VPS13C: variants seen among roughly 807,000 people sequenced by gnomAD.
The protein encoded by VPS13C is vacuolar protein sorting 13 homolog C, also known as intermembrane lipid transfer protein VPS13C.
Under a neutral mutation model 456.8 loss-of-function variants are expected in VPS13C, and 358 were observed. The ratio of observed to expected loss-of-function variants is 0.78; its 90% CI spans 0.72 to 0.86. The LOEUF (loss-of-function observed/expected upper bound fraction) is 0.86, where lower values mean the gene tolerates loss of function less well. Among genes scored for constraint, VPS13C ranks in the 40% least tolerant of loss-of-function variants. The pLI is 0.00. For synonymous variants in VPS13C, 1,578 were observed against 1,486.7 expected (o/e 1.06, Z -1.41); for missense variants, 4,818 against 4,385.4 (o/e 1.10, Z -2.79).
intron 12 of VPS13C, 150 bp downstream of exon 12, chr15:62,011,955 TAA>T (rs2047055246): frequency 2.0e-6 from 1 of 503,826 alleles, no homozygotes. Context: ...TCCTAAATAA[TAA>T]GTTATAACCC....
At chr15:62,012,522 G>T (rs1193795813) in intron 11 of VPS13C, among the ~76,000 whole-genome samples, 1 of 151,848 alleles carries the variant, frequency 6.6e-6, no homozygotes, top group Non-Finnish European at 1.5e-5. Flanking sequence ...AGAGATAGAA[G>T]ATTGAAATTT....
At chr15:61,929,446 G>A (rs1448563203) in intron 51 of VPS13C, 55 bp downstream of exon 51, 1 of 1,543,338 alleles carries the variant, frequency 6.5e-7, no homozygotes. Context: ...TTTCTGGTTT[G>A]TAATTCTTGT....
In VPS13C at chr15:61,959,252, T is replaced by C. The variant is rs12898423; in HGVS notation, c.4056+196A>G. Among the ~76,000 whole-genome samples the C allele has an allele frequency of 0.67, 101,656 of 151,956 alleles. 34,968 individuals carry two copies. Among genetic ancestry groups the C allele is most frequent in the East Asian group, 0.85 (4,411 of 5,174 alleles). ...GATCTCTACCAATATGTATGTATAATAAATTTTAAAGTTAAGAAATCTTAA... is the reference window on the plus strand; with the variant it reads ...GATCTCTACCAATATGTATGTATAACAAATTTTAAAGTTAAGAAATCTTAA... On this transcript the variant is annotated intron_variant, in intron 36 of 84. Coordinates refer to ENST00000644861, the MANE Select transcript of VPS13C (RefSeq NM_020821.3).
rs774979724 is a variant in VPS13C at position 61,959,606 on chromosome 15, C to T, written c.3909-11G>A. 2.5e-6 allele frequency: 4 copies of T among 1,606,196 alleles called. No individual in the cohort carries two copies. Among genetic ancestry groups the T allele is most frequent in the Non-Finnish European group, 3.4e-6 (4 of 1,175,250 alleles). On this transcript the variant is annotated splice_polypyrimidine_tract_variant and intron_variant, in intron 35 of 84. Transcript: ENST00000644861. ...GGCTGGATCACTGTCCTACGAAAAA[C>T]AGAAATGTTACATAATGCATAGATA...
intron 9 of VPS13C, among the ~76,000 whole-genome samples, chr15:62,019,087 AG>A (rs1287244904): frequency 6.6e-6 from 1 of 152,104 alleles, no homozygotes; most frequent in Admixed American, 6.6e-5. Flanking sequence ...AGGTGTTTAT[AG>A]TATTCTCTGA....
chr15:61,932,454 A>G (rs2044092945), intron 49 of VPS13C, among the ~76,000 whole-genome samples: 1 of 152,128 alleles, frequency 6.6e-6, no homozygotes, highest in African/African-American at 2.4e-5. Flanking sequence ...ATTTTCATGT[A>G]TAGAAAAATG....
chr15:61,966,012 C>G, intron 30 of VPS13C, 71 bp downstream of exon 30: 1 of 1,235,392 alleles, frequency 8.1e-7, no homozygotes, highest in South Asian at 1.5e-5. Flanking sequence ...CAATACTCCT[C>G]AAAGGATACT....
intron 18 of VPS13C, 36 bp downstream of exon 18, chr15:61,990,964 T>A (rs2046206136): frequency 7.0e-7 from 1 of 1,431,088 alleles, no homozygotes; most frequent in Admixed American, 1.7e-5. Flanking sequence ...TATAGTACAA[T>A]GAGACAAAAT....
At chr15:61,925,635 G>A (rs1024730511) in intron 52 of VPS13C, 87 bp from the exon 53 acceptor site, 2 of 964,908 alleles carry the variant, frequency 2.1e-6, no homozygotes, top group Non-Finnish European at 1.4e-6. Context: ...TACTTAACTT[G>A]GGATCTTTAA....
chr15:61,923,861 C>CA (rs2043743963), intron 53 of VPS13C, among the ~76,000 whole-genome samples: 2 of 75,146 alleles, frequency 2.7e-5, no homozygotes, highest in Non-Finnish European at 4.9e-5. Flanking sequence ...CCCTCTAAAT[C>CA]TTTTTTTTTT....
In VPS13C at chr15:62,007,411, C is replaced by T. The variant is rs906366377; in HGVS notation, c.1187G>A (p.Ser396Asn). 3 of 1,612,892 alleles carry T rather than the reference C, an allele frequency of 1.9e-6. No homozygotes were observed. The highest frequency in any genetic ancestry group is 3.3e-5 in the Admixed American group (2 of 59,914). ...IRRYTQMWSW[S>N]NIKKHRQLLK... is the part of the protein sequence containing the mutation. ...TAACTGCCTGTGCTTTTTTATGTTA[C>T]TCCATGACCACATCTGTGTATACCT... The change falls in exon 15 of 85, where the codon AGT becomes AAT. Residue 396 changes from serine (S) to asparagine (N), a missense_variant. This residue lies in a region of VPS13C where 4,552 missense variants were observed against 4,130.6 expected (regional missense o/e 1.10). Coordinates refer to ENST00000644861, the MANE Select transcript of VPS13C (RefSeq NM_020821.3).
chr15:62,041,137 T>TA (rs35028366), intron 3 of VPS13C, among the ~76,000 whole-genome samples, 187 bp downstream of exon 3: 14 of 151,808 alleles, frequency 9.2e-5, no homozygotes, highest in African/African-American at 2.9e-4. Context: ...CCTTTTGTCA[T>TA]AAAAAAAAGA....
chr15:62,010,125 G>C (rs1041191055), intron 13 of VPS13C, among the ~76,000 whole-genome samples: 5 of 151,960 alleles, frequency 3.3e-5, no homozygotes, highest in African/African-American at 1.2e-4. Flanking sequence ...AGGAGGTAGA[G>C]CTTGCAGTGA....
chr15:61,857,600 C>T (rs981342115), intron 82 of VPS13C, among the ~76,000 whole-genome samples: 20 of 152,154 alleles, frequency 1.3e-4, no homozygotes, highest in Admixed American at 8.5e-4. Flanking sequence ...CAGGAAATGA[C>T]GTGATAATGT....
intron 21 of VPS13C, 53 bp downstream of exon 21, chr15:61,982,406 A>G: frequency 1.4e-6 from 2 of 1,385,732 alleles, no homozygotes; most frequent in Non-Finnish European, 2.0e-6. Flanking sequence ...ACATTAGAGT[A>G]GGCAAAATTT....
At chr15:61,893,654 A>C (rs971408937) in intron 66 of VPS13C, among the ~76,000 whole-genome samples, 2 of 151,070 alleles carry the variant, frequency 1.3e-5, no homozygotes, top group Admixed American at 1.3e-4. Flanking sequence ...AGACAAATCT[A>C]TCAAAAATAA....
chr15:61,991,889 T>TC, intron 16 of VPS13C, 87 bp from the exon 17 acceptor site: 1 of 260,716 alleles, frequency 3.8e-6, no homozygotes. Flanking sequence ...ACAATGGTTC[T>TC]TTTTTTTTTT....
At chr15:61,857,608 T>C (rs1471646325) in intron 82 of VPS13C, among the ~76,000 whole-genome samples, 1 of 152,154 alleles carries the variant, frequency 6.6e-6, no homozygotes, top group East Asian at 1.9e-4. Flanking sequence ...GACGTGATAA[T>C]GTTCTTTCAC....
At chr15:62,003,814 G>A (rs1258064871) in intron 15 of VPS13C, among the ~76,000 whole-genome samples, 1 of 151,474 alleles carries the variant, frequency 6.6e-6, no homozygotes, top group Non-Finnish European at 1.5e-5. Context: ...TTATATGCTG[G>A]ATTACATTTA....
Sources: gnomAD v4.1 joint callset for allele counts (sites outside exome capture counted in the v4.1 genomes callset) on GRCh38, gnomAD v4.1.1 for gene constraint, gnomAD v4.1.1 regional missense constraint, MANE v1.5 for transcripts, NCBI Gene and HGNC (gene_info 2026-07-23, HGNC 2026-07-21) for gene names.